The following SLIT3 variants were observed in gnomAD, a reference collection of about 807,000 sequenced individuals.
The protein encoded by SLIT3 is slit guidance ligand 3.
A neutral mutation model predicts 184.0 loss-of-function variants in SLIT3; 68 were observed. That is an observed-to-expected ratio of 0.37 (90% CI 0.30 to 0.45). The LOEUF (loss-of-function observed/expected upper bound fraction) is 0.45, where lower values mean the gene tolerates loss of function less well. Among genes scored for constraint, SLIT3 ranks in the 20% least tolerant of loss-of-function variants. SLIT3 has a pLI of 1.00. For missense variants in SLIT3, 1,707 were observed against 2,026.0 expected (o/e 0.84, Z 3.02); for synonymous variants, 831 against 828.6 (o/e 1.00, Z -0.05).
chr5:168,794,106 A>C (rs1756481968), intron 10 of SLIT3, among the ~76,000 whole-genome samples: 1 of 152,196 alleles, frequency 6.6e-6, no homozygotes, highest in African/African-American at 2.4e-5. Context: ...ACATAAAAGG[A>C]ATCAGCAGAC....
intron 4 of SLIT3, among the ~76,000 whole-genome samples, chr5:169,183,144 G>A (rs1017813763): frequency 6.6e-6 from 1 of 152,210 alleles, no homozygotes; most frequent in Non-Finnish European, 1.5e-5. Flanking sequence ...GACACACACA[G>A]TAGGCGTTCA....
chr5:168,849,698 G>T (rs907663138), intron 5 of SLIT3, among the ~76,000 whole-genome samples: 4 of 152,150 alleles, frequency 2.6e-5, no homozygotes, highest in African/African-American at 9.7e-5. Flanking sequence ...ATACTGAAAG[G>T]TTTAAGGGAA....
At chr5:168,853,285 A>G (rs1459423568) in intron 5 of SLIT3, among the ~76,000 whole-genome samples, 1 of 152,206 alleles carries the variant, frequency 6.6e-6, no homozygotes, top group Non-Finnish European at 1.5e-5. Flanking sequence ...AAGGATACCA[A>G]TGTGTGCACA....
At chr5:169,082,617 C>T (rs1019962530) in intron 4 of SLIT3, among the ~76,000 whole-genome samples, 1 of 152,228 alleles carries the variant, frequency 6.6e-6, no homozygotes, top group South Asian at 2.1e-4. Flanking sequence ...TACCTGAATC[C>T]TGTGGTAGAA....
intron 32 of SLIT3, among the ~76,000 whole-genome samples, chr5:168,681,957 G>A (rs1189326849): frequency 2.6e-5 from 4 of 152,204 alleles, no homozygotes; most frequent in Non-Finnish European, 5.9e-5. Context: ...GGAAGGGGGA[G>A]GGGGAAAAAC....
intron 4 of SLIT3, among the ~76,000 whole-genome samples, chr5:168,920,816 TA>T (rs1193196532): frequency 6.7e-6 from 1 of 148,456 alleles, no homozygotes; most frequent in East Asian, 2.0e-4. Context: ...CTATTTTTTT[TA>T]AAAAACAGGA....
At chr5:169,020,331 G>A (rs1756549257) in intron 4 of SLIT3, among the ~76,000 whole-genome samples, 1 of 152,172 alleles carries the variant, frequency 6.6e-6, no homozygotes, top group African/African-American at 2.4e-5. Context: ...CATTCAAGGA[G>A]AGGAAATTGG....
At chr5:168,820,653 T>C (rs1027070962) in intron 7 of SLIT3, among the ~76,000 whole-genome samples, 1 of 152,162 alleles carries the variant, frequency 6.6e-6, no homozygotes, top group Admixed American at 6.5e-5. Flanking sequence ...AGCACCGAGG[T>C]GGCTAGGTGG....
chr5:169,287,329 C>T (rs1487587418), intron 1 of SLIT3, among the ~76,000 whole-genome samples: 2 of 152,254 alleles, frequency 1.3e-5, no homozygotes, highest in Non-Finnish European at 2.9e-5. Context: ...TCTGCCATCC[C>T]GAGTCACCCA....
intron 20 of SLIT3, among the ~76,000 whole-genome samples, chr5:168,732,368 G>A (rs1201216339): frequency 6.6e-6 from 1 of 152,060 alleles, no homozygotes; most frequent in Non-Finnish European, 1.5e-5. Context: ...AACTAACGTT[G>A]TTAAAATGAC....
chr5:169,080,425 G>T (rs552296283), intron 4 of SLIT3, among the ~76,000 whole-genome samples: 1 of 152,292 alleles, frequency 6.6e-6, no homozygotes, highest in Non-Finnish European at 1.5e-5. Context: ...TGGGTACTAT[G>T]ATCTCCTCCA....
intron 4 of SLIT3, among the ~76,000 whole-genome samples, chr5:168,996,151 T>C (rs1200024181): frequency 6.6e-6 from 1 of 152,204 alleles, no homozygotes; most frequent in Non-Finnish European, 1.5e-5. Context: ...GGGAGACTTC[T>C]GTTGCTGGGA....
At chr5:168,786,908 T>G (rs941510363) in intron 11 of SLIT3, among the ~76,000 whole-genome samples, 1 of 152,170 alleles carries the variant, frequency 6.6e-6, no homozygotes, top group Non-Finnish European at 1.5e-5. Flanking sequence ...GTTTGGTTGT[T>G]TTTCTTAAGT....
At chr5:168,936,778 G>T (rs140304231) in intron 4 of SLIT3, among the ~76,000 whole-genome samples, 161 of 152,206 alleles carry the variant, frequency 1.1e-3, no homozygotes, top group African/African-American at 3.8e-3. Context: ...GAAGGGAGGG[G>T]CACTGGAATC....
chr5:169,061,215 G>A (rs975629063), intron 4 of SLIT3, among the ~76,000 whole-genome samples: 1 of 152,202 alleles, frequency 6.6e-6, no homozygotes, highest in Non-Finnish European at 1.5e-5. Context: ...TAGCCAGGGT[G>A]GAAAATGACC....
Position 168,753,883 on chromosome 5 carries a change from G to A in SLIT3, c.1810C>T (p.Leu604Phe), listed in dbSNP as rs964532274. 6.2e-7 allele frequency: 1 copy of A among 1,611,226 alleles called. No homozygotes were observed. The highest frequency in any genetic ancestry group is 8.5e-7 in the Non-Finnish European group (1 of 1,179,932). The change falls in exon 17 of 36, where the codon CTC becomes TTC. Residue 604 changes from leucine to phenylalanine, a missense_variant. By Grantham distance (22) the Leu-to-Phe change is conservative (BLOSUM62 0). This residue lies in a region of SLIT3 where 1,307 missense variants were observed against 1,511.6 expected (regional missense o/e 0.86). Transcript: ENST00000519560. ...ACTCACAAGGTTTTGAGGCCACTGA[G>A]GCCACGGAACACGCGCCCGTGCACG... ...ETVHGRVFRG[L>F]SGLKTLMLRS... is the part of the protein sequence containing the mutation.
In SLIT3 at chr5:169,299,885, C is replaced by T. The variant is rs570903566; in HGVS notation, c.197+628G>A. On this transcript the variant is annotated intron_variant, in intron 1 of 35. Transcript: ENST00000519560. ...CTTCGTTCGGGGAGGCATTTATAAC[C>T]GAGCCATAAAAAATTCACCCGGGGC... is the stretch of plus-strand genomic sequence containing the variant. 2.0e-5 allele frequency among the ~76,000 whole-genome samples: 3 copies of T among 151,192 alleles called. No homozygotes were observed. The East Asian group carries it at 5.8e-4, about 29-fold the overall frequency.
intron 4 of SLIT3, among the ~76,000 whole-genome samples, chr5:168,941,631 G>T (rs78786858): frequency 0.011 from 1,647 of 152,256 alleles, 29 homozygotes; most frequent in African/African-American, 0.038. Context: ...TCTCTGACTT[G>T]CCCTTTCAGG....
intron 6 of SLIT3, among the ~76,000 whole-genome samples, chr5:168,828,590 G>T (rs1352034693): frequency 6.7e-6 from 1 of 148,216 alleles, no homozygotes; most frequent in Non-Finnish European, 1.5e-5. Flanking sequence ...AGCCTGGTAA[G>T]TCAAGGTTGC....
Sources: gnomAD v4.1 joint callset for allele counts (sites outside exome capture counted in the v4.1 genomes callset) on GRCh38, gnomAD v4.1.1 for gene constraint, gnomAD v4.1.1 regional missense constraint, MANE v1.5 for transcripts, NCBI Gene and HGNC (gene_info 2026-07-23, HGNC 2026-07-21) for gene names.